DIS3L2: variants seen among roughly 807,000 people sequenced by gnomAD.
DIS3L2 encodes DIS3 like 3'-5' exoribonuclease 2.
Under a neutral mutation model 97.5 loss-of-function variants are expected in DIS3L2, and 34 were observed. That is an observed-to-expected ratio of 0.35 (90% confidence interval 0.27 to 0.46). DIS3L2 has a LOEUF of 0.46. Among genes scored for constraint, DIS3L2 ranks in the 20% least tolerant of loss-of-function variants. DIS3L2 has a pLI of 1.00. For synonymous variants in DIS3L2, 435 were observed against 445.2 expected (o/e 0.98, Z 0.29); for missense variants, 1,038 against 1,146.0 (o/e 0.91, Z 1.36).
In DIS3L2 at chr2:232,333,995, G is replaced by T. The variant is rs1345507679; in HGVS notation, c.2158+8G>T. The T allele has an allele frequency of 6.2e-7, 1 of 1,606,386 alleles. No individual in the cohort carries two copies. The highest frequency in any genetic ancestry group is 8.5e-7 in the Non-Finnish European group (1 of 1,176,714). ...TCCTGGCTGCCGCGTTAGGTGAGGG[G>T]TGCAGTCGGGGTCAGGGCAGACCTG... On this transcript the variant is annotated splice_region_variant and intron_variant, in intron 17 of 20. Coordinates refer to ENST00000325385, the MANE Select transcript of DIS3L2 (RefSeq NM_152383.5).
intron 5 of DIS3L2, among the ~76,000 whole-genome samples, chr2:232,077,240 A>G (rs1330041548): frequency 1.3e-5 from 2 of 151,574 alleles, no homozygotes; most frequent in African/African-American, 4.9e-5. Context: ...CCTGATGGAG[A>G]AAGCCTTACT....
intron 14 of DIS3L2, among the ~76,000 whole-genome samples, chr2:232,311,188 T>C (rs947247801): frequency 2.6e-5 from 4 of 152,246 alleles, no homozygotes; most frequent in African/African-American, 7.2e-5. Context: ...CAGATTGTGC[T>C]GGCCACAGAC....
intron 6 of DIS3L2, among the ~76,000 whole-genome samples, chr2:232,117,706 T>C (rs1697771394): frequency 1.3e-5 from 2 of 152,204 alleles, no homozygotes; most frequent in Non-Finnish European, 2.9e-5. Flanking sequence ...GGCTCCGTAT[T>C]GTTCCTGAGC....
intron 6 of DIS3L2, among the ~76,000 whole-genome samples, chr2:232,116,994 C>T (rs1315711188): frequency 2.0e-5 from 3 of 152,208 alleles, no homozygotes; most frequent in Non-Finnish European, 2.9e-5. Flanking sequence ...TCCCACATCT[C>T]TGCTCCTCAG....
chr2:232,061,830 G>A (rs771533210), intron 5 of DIS3L2, among the ~76,000 whole-genome samples: 22 of 152,058 alleles, frequency 1.4e-4, no homozygotes, highest in Non-Finnish European at 2.6e-4. Flanking sequence ...AAGTCTCCAT[G>A]GTGGAGAAGG....
At chr2:232,062,173 T>A (rs1204955896) in intron 5 of DIS3L2, among the ~76,000 whole-genome samples, 2 of 152,194 alleles carry the variant, frequency 1.3e-5, no homozygotes, top group African/African-American at 4.8e-5. Context: ...TTGCTTTCTC[T>A]GGAGTCATCT....
At chr2:232,277,118 T>C (rs1417317444) in intron 13 of DIS3L2, among the ~76,000 whole-genome samples, 1 of 152,178 alleles carries the variant, frequency 6.6e-6, no homozygotes, top group Admixed American at 6.5e-5. Flanking sequence ...CATTGCCCCC[T>C]GCAGGGAAGC....
At chr2:232,204,585 C>T (rs1027639971) in intron 9 of DIS3L2, among the ~76,000 whole-genome samples, 6 of 152,100 alleles carry the variant, frequency 3.9e-5, no homozygotes, top group African/African-American at 7.2e-5. Context: ...GTATTTTCTG[C>T]GGGTCAGGGT....
rs965767330 is a variant in DIS3L2 at position 232,000,483 on chromosome 2, C to T, written c.-93-14352C>T. ...TTCCTATCTGTTCAACTTTTTTACACGGCACATATAAATGAGATCATGTGG... is the reference window on the plus strand; with the variant it reads ...TTCCTATCTGTTCAACTTTTTTACATGGCACATATAAATGAGATCATGTGG... On this transcript the variant is annotated intron_variant, in intron 1 of 20. Coordinates refer to ENST00000325385, the MANE Select transcript of DIS3L2 (RefSeq NM_152383.5). Among the ~76,000 whole-genome samples the T allele has an allele frequency of 3.3e-5, 5 of 152,048 alleles. No individual in the cohort carries two copies. The East Asian group carries it at 5.8e-4, about 18-fold the overall frequency.
intron 10 of DIS3L2, among the ~76,000 whole-genome samples, chr2:232,210,815 C>T (rs1692168474): frequency 6.6e-6 from 1 of 151,402 alleles, no homozygotes. Context: ...TGAAGGGGTA[C>T]TCTTCAAAGG....
At position 232,176,453 on chromosome 2, in the gene DIS3L2, T is replaced by A. The variant is rs376437052; in HGVS notation, c.1124+12821T>A. On this transcript the variant is annotated intron_variant, in intron 9 of 20. Coordinates refer to ENST00000325385, the MANE Select transcript of DIS3L2 (RefSeq NM_152383.5). ...TCTTTTTATTTCCTTCTCTTTTTTTTTAAATTCTCTTTTTCATTTATTTCT... is the reference window on the plus strand; with the variant it reads ...TCTTTTTATTTCCTTCTCTTTTTTTATAAATTCTCTTTTTCATTTATTTCT... Among the ~76,000 whole-genome samples the A allele has an allele frequency of 2.1e-3, 321 of 152,234 alleles. 2 individuals carry two copies. The highest frequency in any genetic ancestry group is 7.3e-3 in the African/African-American group (304 of 41,580).
intron 15 of DIS3L2, 75 bp downstream of exon 15, chr2:232,330,071 C>T: frequency 6.6e-7 from 1 of 1,508,732 alleles, no homozygotes; most frequent in Admixed American, 2.0e-5. Context: ...TGGGGTGGTC[C>T]AGCGGCCTCT....
chr2:232,025,479 C>T (rs571099737), intron 4 of DIS3L2, among the ~76,000 whole-genome samples: 10 of 152,218 alleles, frequency 6.6e-5, no homozygotes, highest in South Asian at 6.2e-4. Context: ...CATCCAAGTT[C>T]GAGTCTTACC....
chr2:231,970,010 A>G (rs555560818), intron 1 of DIS3L2, among the ~76,000 whole-genome samples: 2 of 151,768 alleles, frequency 1.3e-5, no homozygotes, highest in African/African-American at 4.8e-5. Flanking sequence ...CAGTGGCATG[A>G]CTGTGGTTCA....
intron 8 of DIS3L2, among the ~76,000 whole-genome samples, chr2:232,158,720 A>C (rs1005470011): frequency 2.0e-5 from 3 of 152,162 alleles, no homozygotes; most frequent in African/African-American, 7.2e-5. Context: ...AAGAACCCAG[A>C]CAGACAGTTA....
intron 9 of DIS3L2, among the ~76,000 whole-genome samples, chr2:232,208,088 A>G (rs989524196): frequency 9.2e-5 from 14 of 152,240 alleles, no homozygotes; most frequent in African/African-American, 2.9e-4. Context: ...TTAAAAAAAT[A>G]GTAAACATTA....
chr2:232,215,609 G>A (rs1299081815), intron 10 of DIS3L2, among the ~76,000 whole-genome samples: 6 of 152,154 alleles, frequency 3.9e-5, no homozygotes, highest in Non-Finnish European at 2.9e-5. Context: ...TGCCTGTAAG[G>A]ATTTCAGAGA....
At chr2:232,100,433 C>G (rs899946768) in intron 6 of DIS3L2, among the ~76,000 whole-genome samples, 1 of 151,710 alleles carries the variant, frequency 6.6e-6, no homozygotes, top group Admixed American at 6.6e-5. Context: ...TGCTTTTTTG[C>G]CCTTTCCCCA....
intron 12 of DIS3L2, among the ~76,000 whole-genome samples, chr2:232,256,208 T>C (rs938238752): frequency 4.6e-5 from 7 of 152,374 alleles, no homozygotes; most frequent in Middle Eastern, 6.8e-3. Context: ...GTGCTGGAAA[T>C]GCATAGACTC....
Sources: gnomAD v4.1 joint callset for allele counts (sites outside exome capture counted in the v4.1 genomes callset) on GRCh38, gnomAD v4.1.1 for gene constraint, MANE v1.5 for transcripts, NCBI Gene and HGNC (gene_info 2026-07-23, HGNC 2026-07-21) for gene names.